ARMC2: variants seen among roughly 807,000 people sequenced by gnomAD.
ARMC2 encodes armadillo repeat containing 2, also known as armadillo repeat-containing protein 2.
In ARMC2, 67 loss-of-function variants were observed where a neutral mutation model predicts 90.3. The ratio of observed to expected loss-of-function variants is 0.74; its 90% CI spans 0.61 to 0.91. The LOEUF (loss-of-function observed/expected upper bound fraction) is 0.91. ARMC2 is among the 40% of genes least tolerant of loss of function. ARMC2 has a pLI of 0.00. For synonymous variants in ARMC2, 393 were observed against 393.0 expected, an observed-to-expected ratio of 1.00 and a Z score of 0.00; for missense variants, 920 against 1,030.9, an observed-to-expected ratio of 0.89 and a Z score of 1.47.
the ARMC2 span, among the ~76,000 whole-genome samples, chr6:108,983,097 A>G: frequency 1.3e-5 from 2 of 152,070 alleles, no homozygotes; most frequent in South Asian, 4.1e-4. Flanking sequence ...GATTACAGGC[A>G]TGAGCCACCA....
the ARMC2 span, chr6:108,994,403 C>A: frequency 2.9e-6 from 4 of 1,383,796 alleles, no homozygotes; most frequent in Non-Finnish European, 4.0e-6. Context: ...TATTTAAATT[C>A]TCTAAATAAA....
intron 13 of ARMC2, among the ~76,000 whole-genome samples, chr6:108,956,842 A>G (rs1777621525): frequency 6.6e-6 from 1 of 152,062 alleles, no homozygotes; most frequent in Admixed American, 6.5e-5. Flanking sequence ...AAATACAAAC[A>G]TTAGCCAGGC....
At chr6:108,994,257 C>T in the ARMC2 span, among the ~76,000 whole-genome samples, 78 of 151,824 alleles carry the variant, frequency 5.1e-4, 1 homozygote, top group Admixed American at 2.0e-4. Flanking sequence ...AATTAAATGT[C>T]CTCCCCCTTA....
chr6:109,002,950 A>C, the ARMC2 span, among the ~76,000 whole-genome samples: 27 of 152,260 alleles, frequency 1.8e-4, no homozygotes, highest in Admixed American at 1.8e-3. Context: ...TTTTATTTAC[A>C]GGATGTCATC....
At chr6:108,994,879 T>G in the ARMC2 span, among the ~76,000 whole-genome samples, 1,422 of 151,906 alleles carry the variant, frequency 9.4e-3, 86 homozygotes, top group East Asian at 0.18. Context: ...ATTTTTTGTG[T>G]TTTTTAGTAG....
intron 12 of ARMC2, among the ~76,000 whole-genome samples, chr6:108,942,606 A>T (rs1359366938): frequency 2.7e-5 from 4 of 149,944 alleles, no homozygotes; most frequent in African/African-American, 7.4e-5. Context: ...TCCTATAATT[A>T]TTTTTTTTTT....
intron 10 of ARMC2, chr6:108,923,157 T>C (rs1774755049): frequency 1.3e-5 from 2 of 152,230 alleles, no homozygotes; most frequent in African/African-American, 4.8e-5. Context: ...ACTTAAGAGG[T>C]TGAGAATTTC....
intron 10 of ARMC2, among the ~76,000 whole-genome samples, chr6:108,924,660 C>G (rs1247971324): frequency 2.0e-5 from 3 of 152,090 alleles, no homozygotes; most frequent in Non-Finnish European, 4.4e-5. Context: ...GGTGCCGAGG[C>G]AAAGGAGATG....
At chr6:108,977,421 C>T (rs567242592), downstream of ARMC2, among the ~76,000 whole-genome samples, 31 of 152,166 alleles carry the variant, frequency 2.0e-4, no homozygotes, top group African/African-American at 4.6e-4. Context: ...TGAGGATTTT[C>T]GCATCGATGT....
chr6:109,009,560 G>A, the ARMC2 span: 10 of 1,121,024 alleles, frequency 8.9e-6, no homozygotes, highest in Admixed American at 4.9e-5. Context: ...GACGGCGGGG[G>A]GGCGGGGCGG....
chr6:108,860,281 C>T (rs546329160), intron 3 of ARMC2, among the ~76,000 whole-genome samples: 1 of 152,118 alleles, frequency 6.6e-6, no homozygotes, highest in Non-Finnish European at 1.5e-5. Flanking sequence ...GTTTTCTTCT[C>T]CCTTTATAGT....
chr6:108,916,704 AG>A (rs973887124), intron 10 of ARMC2, among the ~76,000 whole-genome samples: 39 of 152,180 alleles, frequency 2.6e-4, no homozygotes, highest in African/African-American at 9.2e-4. Flanking sequence ...GGGACTTGTC[AG>A]TGTTGCTCTA....
chr6:108,879,760 G>C (rs1488467081), intron 5 of ARMC2, among the ~76,000 whole-genome samples: 2 of 152,298 alleles, frequency 1.3e-5, no homozygotes, highest in Non-Finnish European at 2.9e-5. Context: ...TTGTTATGGA[G>C]AATCAGGGAC....
chr6:108,895,441 GC>G (rs1440400723), intron 6 of ARMC2, among the ~76,000 whole-genome samples: 1 of 138,168 alleles, frequency 7.2e-6, no homozygotes, highest in African/African-American at 2.7e-5. Context: ...TCTAGACCAC[GC>G]CGCTGCACTC....
chr6:108,926,515 A>G (rs1775116842), intron 10 of ARMC2, among the ~76,000 whole-genome samples: 1 of 152,202 alleles, frequency 6.6e-6, no homozygotes, highest in African/African-American at 2.4e-5. Flanking sequence ...ACTTGAGGCC[A>G]GGAGTTTGAG....
At chr6:108,933,215 C>T (rs1041552111) in intron 11 of ARMC2, among the ~76,000 whole-genome samples, 5 of 151,880 alleles carry the variant, frequency 3.3e-5, no homozygotes, top group African/African-American at 1.2e-4. Context: ...GATGTTTTCC[C>T]ATTTGTTTGT....
At chr6:108,988,528 A>C in the ARMC2 span, 1 of 1,591,882 alleles carries the variant, frequency 6.3e-7, no homozygotes, top group South Asian at 1.2e-5. Context: ...TAAATAAGCC[A>C]CAATAGGCAC....
At chr6:108,937,754 G>A (rs1776069724) in intron 12 of ARMC2, among the ~76,000 whole-genome samples, 1 of 151,836 alleles carries the variant, frequency 6.6e-6, no homozygotes, top group Non-Finnish European at 1.5e-5. Context: ...GAGTGCAGTG[G>A]CGATATCTTG....
At chr6:109,049,499 T>G in the ARMC2 span, among the ~76,000 whole-genome samples, 1 of 152,070 alleles carries the variant, frequency 6.6e-6, no homozygotes, top group Admixed American at 6.6e-5. Context: ...TTAACAATAT[T>G]ATATATTTTC....
Sources: allele counts gnomAD v4.1 joint callset (sites outside exome capture counted in the v4.1 genomes callset), GRCh38; gene constraint gnomAD v4.1.1; transcripts MANE v1.5; gene names NCBI Gene and HGNC (gene_info 2026-07-23, HGNC 2026-07-21).